Variants in CEP85L observed in about 807,000 individuals in gnomAD.
The protein encoded by CEP85L is centrosomal protein 85L.
CEP85L carries 60 observed loss-of-function variants against 100.3 expected under a neutral mutation model. The ratio of observed to expected loss-of-function variants is 0.60; its 90% CI spans 0.49 to 0.74. The LOEUF is 0.74. Among genes scored for constraint, CEP85L ranks in the 30% least tolerant of loss-of-function variants. The pLI is 0.00. For missense variants in CEP85L, 973 were observed against 936.2 expected, an observed-to-expected ratio of 1.04 and a Z score of -0.51; for synonymous variants, 319 against 322.7, an observed-to-expected ratio of 0.99 and a Z score of 0.12.
chr6:118,479,857 A>T lies in CEP85L; in HGVS notation c.1914+14T>A. ...AATATAGCTAAATTAAAATAAGCAC[A>T]AAATATTCCTTACCTGAATTTCTAA... On this transcript the variant is annotated intron_variant, in intron 10 of 12. Transcript: ENST00000368491. 7.0e-7 allele frequency: 1 copy of T among 1,429,568 alleles called. No homozygotes were observed. Among genetic ancestry groups the T allele is most frequent in the Non-Finnish European group, 9.6e-7 (1 of 1,040,456 alleles). 88.6% of individuals were successfully genotyped at this position (1,429,568 alleles called of 1,614,324 possible).
At chr6:118,501,719 A>G in intron 5 of CEP85L, 1 of 725,574 alleles carries the variant, frequency 1.4e-6, no homozygotes, top group Non-Finnish European at 2.5e-6. Context: ...CCTGAAGCAG[A>G]CCACAGACTT....
chr6:118,660,098 C>T (rs1467850001), intron 1 of CEP85L, among the ~76,000 whole-genome samples: 2 of 152,192 alleles, frequency 1.3e-5, no homozygotes, highest in Non-Finnish European at 2.9e-5. Flanking sequence ...GTAGCTATCA[C>T]CCCTTAAGTA....
intron 2 of CEP85L, among the ~76,000 whole-genome samples, chr6:118,567,559 T>A (rs182324594): frequency 1.3e-4 from 20 of 152,202 alleles, no homozygotes; most frequent in African/African-American, 4.8e-4. Context: ...CCAAAGACTA[T>A]AATTTTGTAA....
At chr6:118,570,842 T>A (rs1031159502) in intron 2 of CEP85L, among the ~76,000 whole-genome samples, 1 of 152,130 alleles carries the variant, frequency 6.6e-6, no homozygotes, top group African/African-American at 2.4e-5. Flanking sequence ...TAAAATCTGA[T>A]TAACTGTGAC....
chr6:118,482,032 T>TAAA, intron 7 of CEP85L, 99 bp from the exon 8 acceptor site: 1 of 355,046 alleles, frequency 2.8e-6, no homozygotes, highest in Non-Finnish European at 4.6e-6. Flanking sequence ...GACTTGTAGC[T>TAAA]AAAAAAAAAA....
chr6:118,680,271 G>GA lies in CEP85L; in HGVS notation c.-27-27464dup, dbSNP rs374032688. ...TCATACCACTACACTCCAGCCTGGG[G>GA]AAAAAAAAAAAAAAAGAATCTTTCC... On this transcript the variant is annotated intron_variant, in intron 1 of 13. Coordinates refer to the CEP85L transcript ENST00000368488. Among the ~76,000 whole-genome samples, 645 of 109,742 alleles carry GA rather than the reference G, an allele frequency of 5.9e-3. 2 individuals carry two copies. Among genetic ancestry groups the GA allele is most frequent in the African/African-American group, 0.01 (294 of 28,364 alleles). The allele number at this position is 109,742 out of a possible 152,430, so 72.0% of individuals were successfully genotyped here.
chr6:118,580,450 C>G (rs1780506989), intron 2 of CEP85L, among the ~76,000 whole-genome samples: 1 of 152,154 alleles, frequency 6.6e-6, no homozygotes, highest in Non-Finnish European at 1.5e-5. Context: ...AAAATCAAAT[C>G]AAATCAATCA....
intron 10 of CEP85L, among the ~76,000 whole-genome samples, chr6:118,474,102 C>G (rs181843516): frequency 2.6e-4 from 39 of 152,270 alleles, no homozygotes; most frequent in African/African-American, 9.4e-4. Context: ...AGACCTACCA[C>G]TCAATGAAAT....
intron 10 of CEP85L, among the ~76,000 whole-genome samples, chr6:118,472,337 AT>A (rs778079790): frequency 2.6e-5 from 4 of 152,086 alleles, no homozygotes; most frequent in Non-Finnish European, 4.4e-5. Flanking sequence ...GGAAAATCAG[AT>A]TTCTCATATG....
intron 3 of CEP85L, among the ~76,000 whole-genome samples, chr6:118,552,288 C>T (rs917917348): frequency 2.6e-5 from 4 of 151,902 alleles, no homozygotes; most frequent in Admixed American, 1.3e-4. Context: ...AGGAATACCA[C>T]CAAAAATACT....
chr6:118,521,389 T>C (rs1394919212), intron 4 of CEP85L, among the ~76,000 whole-genome samples: 1 of 152,246 alleles, frequency 6.6e-6, no homozygotes, highest in East Asian at 1.9e-4. Context: ...AGCTGCTTAG[T>C]TTCTCTTCTG....
At chr6:118,503,249 A>G (rs866103331) in intron 5 of CEP85L, among the ~76,000 whole-genome samples, 2 of 152,246 alleles carry the variant, frequency 1.3e-5, no homozygotes, top group African/African-American at 2.4e-5. Context: ...TTCAAGATCT[A>G]TATGAAGACA....
intron 2 of CEP85L, among the ~76,000 whole-genome samples, chr6:118,606,387 G>A (rs1260375162): frequency 6.6e-6 from 1 of 152,224 alleles, no homozygotes; most frequent in Non-Finnish European, 1.5e-5. Flanking sequence ...ACTTCCTAGT[G>A]GAGAACTGAA....
intron 1 of CEP85L, among the ~76,000 whole-genome samples, chr6:118,691,595 CGTG>C (rs1296458595): frequency 2.7e-5 from 4 of 147,250 alleles, no homozygotes; most frequent in Non-Finnish European, 5.9e-5. Flanking sequence ...ATTAGCCAGG[CGTG>C]GTGGCAGGCA....
chr6:118,650,652 T>C (rs748876218), intron 1 of CEP85L, among the ~76,000 whole-genome samples: 1 of 152,038 alleles, frequency 6.6e-6, no homozygotes, highest in African/African-American at 2.4e-5. Flanking sequence ...AGCGGCCGCA[T>C]CTCTGGCAGC....
intron 2 of CEP85L, among the ~76,000 whole-genome samples, chr6:118,583,194 T>C (rs543826566): frequency 6.6e-6 from 1 of 152,074 alleles, no homozygotes; most frequent in Non-Finnish European, 1.5e-5. Context: ...GACTGACGGG[T>C]CCCGAGGCTT....
intron 7 of CEP85L, 120 bp downstream of exon 7, chr6:118,483,586 G>T: frequency 1.2e-6 from 1 of 841,198 alleles, no homozygotes; most frequent in Admixed American, 2.6e-5. Context: ...TTTCTTATTA[G>T]AATTAAGTCC....
intron 4 of CEP85L, among the ~76,000 whole-genome samples, chr6:118,522,531 A>G (rs932407476): frequency 1.3e-5 from 2 of 152,114 alleles, no homozygotes; most frequent in African/African-American, 4.8e-5. Flanking sequence ...TCATTTATCA[A>G]GTATGGAAGT....
intron 1 of CEP85L, among the ~76,000 whole-genome samples, chr6:118,644,737 G>A (rs554049833): frequency 4.6e-5 from 7 of 152,204 alleles, no homozygotes; most frequent in African/African-American, 1.4e-4. Context: ...GATTTCTCAT[G>A]TATATACCAA....
Sources: gnomAD v4.1 joint callset for allele counts (sites outside exome capture counted in the v4.1 genomes callset) on GRCh38, gnomAD v4.1.1 for gene constraint, MANE v1.5 for transcripts, NCBI Gene and HGNC (gene_info 2026-07-23, HGNC 2026-07-21) for gene names.